SEC16B: variants seen among roughly 807,000 people sequenced by gnomAD.
The protein encoded by SEC16B is protein transport protein Sec16B.
In SEC16B, 115 loss-of-function variants were observed where a neutral mutation model predicts 141.8. That is an observed-to-expected ratio of 0.81 (90% CI 0.70 to 0.95). The LOEUF is 0.95. Ranked by LOEUF, SEC16B falls within the 40% of genes least tolerant of loss-of-function variation. The probability of loss-of-function intolerance (pLI) is 0.00; values close to 1 mark genes in which losing one functional copy is unlikely to be tolerated. For synonymous variants in SEC16B, 493 were observed against 492.5 expected, an observed-to-expected ratio of 1.00 and a Z score of -0.01; for missense variants, 1,291 against 1,312.3, an observed-to-expected ratio of 0.98 and a Z score of 0.25.
upstream of SEC16B, among the ~76,000 whole-genome samples, chr1:177,973,494 A>C (rs1215817811): frequency 6.6e-6 from 1 of 152,214 alleles, no homozygotes; most frequent in African/African-American, 2.4e-5. Context: ...ATTATTTTTA[A>C]TCAATAGTGT....
chr1:177,964,133 T>C lies in SEC16B; in HGVS notation c.642+38A>G, dbSNP rs373605942. On this transcript the variant is annotated intron_variant, in intron 5 of 25. Coordinates refer to ENST00000308284, the MANE Select transcript of SEC16B (RefSeq NM_033127.4). ...TGCTGACAGTGTCAGCTGCGACACA[T>C]GGCCACAGTCTCCAGCCCCCACGTC... The C allele has an allele frequency of 9.5e-6, 14 of 1,467,744 alleles. 1 individual carries two copies. In the South Asian group the frequency reaches 1.3e-4, roughly 14 times the overall value. The allele number at this position is 1,467,744 out of a possible 1,614,324, so 90.9% of individuals were successfully genotyped here. A position where few individuals can be genotyped will look rare whatever the true frequency, so the allele number is the denominator to read the frequency against.
intron 5 of SEC16B, among the ~76,000 whole-genome samples, chr1:177,963,463 C>T (rs1279469312): frequency 6.6e-6 from 1 of 151,974 alleles, no homozygotes; most frequent in East Asian, 1.9e-4. Context: ...ATTAGCTGGG[C>T]ATGGTGGCAG....
At chr1:177,933,796 CT>C (rs1464471206) in intron 20 of SEC16B, among the ~76,000 whole-genome samples, 160 bp from the exon 21 acceptor site, 2 of 152,156 alleles carry the variant, frequency 1.3e-5, no homozygotes, top group Admixed American at 6.5e-5. Flanking sequence ...TGAAAAATGA[CT>C]CACTGAAGGT....
intron 20 of SEC16B, among the ~76,000 whole-genome samples, chr1:177,934,222 TAC>T (rs895539082): frequency 1.3e-5 from 2 of 152,304 alleles, no homozygotes; most frequent in African/African-American, 4.8e-5. Flanking sequence ...GCAGTAAGTA[TAC>T]ACACAGTGTC....
chr1:177,944,251 A>G (rs571169541), intron 15 of SEC16B, among the ~76,000 whole-genome samples: 2 of 152,134 alleles, frequency 1.3e-5, no homozygotes, highest in African/African-American at 4.8e-5. Context: ...CTGTCTGGAG[A>G]GATGGGGAGA....
At chr1:177,981,495 G>T (rs1267010616) in intron 1 of SEC16B, among the ~76,000 whole-genome samples, 2 of 152,172 alleles carry the variant, frequency 1.3e-5, no homozygotes, top group Non-Finnish European at 2.9e-5. Context: ...GCAGCCATCT[G>T]TCCACCATTT....
Position 177,949,426 on chromosome 1 carries a change from ACAC to A in SEC16B, c.1546-1487_1546-1485del, listed in dbSNP as rs1557977674. 1.9e-3 allele frequency among the ~76,000 whole-genome samples: 289 copies of A among 150,948 alleles called. 3 individuals are homozygous for A. Among genetic ancestry groups the A allele is most frequent in the Middle Eastern group, 0.01 (3 of 294 alleles). On this transcript the variant is annotated intron_variant, in intron 12 of 25. Coordinates refer to ENST00000308284, the MANE Select transcript of SEC16B (RefSeq NM_033127.4). ...CACACACACACACACACACACACAC[ACAC>A]AAAGAAAAACTTAGAGGTCATTATT... is the stretch of plus-strand genomic sequence containing the variant.
At position 177,961,679 on chromosome 1, in the gene SEC16B, G is replaced by A. The variant is rs1653072374; in HGVS notation, c.698C>T (p.Ser233Phe). ...GTACTGACTGAGCTCATAGCTGCTG[G>A]AGCTGAGACCAGACTCACGCTGCTG... Reference protein sequence around the residue: ...LLQQRESGLSSSSYELSQYIR... With the variant: ...LLQQRESGLSFSSYELSQYIR... The change falls in exon 6 of 26, where the codon TCC becomes TTC. Residue 233 changes from serine to phenylalanine, a missense_variant. Ser to Phe is a radical substitution (Grantham distance 155). Coordinates refer to ENST00000308284, the MANE Select transcript of SEC16B (RefSeq NM_033127.4). The A allele has an allele frequency of 6.2e-7, 1 of 1,613,976 alleles. No individual in the cohort carries two copies. Among genetic ancestry groups the A allele is most frequent in the Non-Finnish European group, 8.5e-7 (1 of 1,179,888 alleles).
At chr1:177,964,911 C>T in intron 4 of SEC16B, 136 bp downstream of exon 4, 1 of 1,047,570 alleles carries the variant, frequency 9.5e-7, no homozygotes, top group Non-Finnish European at 1.4e-6. Context: ...CTGGGATATT[C>T]CCATATCCCT....
chr1:177,959,237 A>G (rs1652879461), intron 8 of SEC16B: 1 of 447,868 alleles, frequency 2.2e-6, no homozygotes, highest in Middle Eastern at 6.5e-4. Flanking sequence ...ACTGCACAGG[A>G]AAGCAAGTAA....
chr1:177,977,255 C>G (rs1654203937), intron 1 of SEC16B, among the ~76,000 whole-genome samples: 1 of 152,146 alleles, frequency 6.6e-6, no homozygotes, highest in Admixed American at 6.6e-5. Context: ...GCACTCTAAA[C>G]AGAAGCAGAC....
chr1:177,938,942 G>A (rs562448814), intron 18 of SEC16B, among the ~76,000 whole-genome samples: 39 of 152,326 alleles, frequency 2.6e-4, no homozygotes, highest in African/African-American at 8.9e-4. Flanking sequence ...TGGCCAACCC[G>A]CCTGCTCCAC....
At chr1:177,935,334 G>C (rs75129846) in intron 20 of SEC16B, among the ~76,000 whole-genome samples, 8 of 152,082 alleles carry the variant, frequency 5.3e-5, no homozygotes, top group Non-Finnish European at 1.2e-4. Flanking sequence ...TCAAATAAAT[G>C]AATGAATAGC....
intron 6 of SEC16B, 84 bp downstream of exon 6, chr1:177,961,506 C>T: frequency 6.9e-6 from 10 of 1,446,022 alleles, no homozygotes; most frequent in Non-Finnish European, 9.4e-6. Context: ...AATGATCCAT[C>T]GTAAGGCTGA....
chr1:177,936,240 G>A (rs929403122), intron 20 of SEC16B, 58 bp downstream of exon 20: 131 of 1,437,952 alleles, frequency 9.1e-5, no homozygotes, highest in Non-Finnish European at 1.3e-4. Context: ...CAAGGCAACT[G>A]GTAAAAACCA....
At position 177,941,955 on chromosome 1, in the gene SEC16B, G is replaced by C. The variant is rs776148327; in HGVS notation, c.1967C>G (p.Ala656Gly). The C allele has an allele frequency of 3.7e-6, 6 of 1,614,072 alleles. No homozygotes were observed. In the Admixed American group the frequency reaches 6.7e-5, roughly 18 times the overall value. The change falls in exon 16 of 26, where the codon GCT becomes GGT. Residue 656 changes from alanine to glycine, a missense_variant. Transcript: ENST00000308284. ...ALHYCEAIGA[A>G]VLSQGESSHP... is the part of the protein sequence containing the mutation. ...ACTGCTCTCTCCCTGGCTCAAGACA[G>C]CTGCACCAATGGCTTCGCAGTAATG... is the stretch of plus-strand genomic sequence containing the variant.
chr1:177,949,767 G>A (rs890192538), intron 12 of SEC16B, among the ~76,000 whole-genome samples: 1 of 152,156 alleles, frequency 6.6e-6, no homozygotes, highest in Admixed American at 6.5e-5. Context: ...CCACGTCTGT[G>A]TTGTCCTGTT....
chr1:177,955,517 T>C (rs1163158381), intron 10 of SEC16B, among the ~76,000 whole-genome samples: 1 of 152,098 alleles, frequency 6.6e-6, no homozygotes, highest in African/African-American at 2.4e-5. Context: ...TGGCTAATTT[T>C]TGTATTTTTT....
At chr1:177,970,156 T>C (rs1462276744), upstream of SEC16B, 1 of 152,274 alleles carries the variant, frequency 6.6e-6, no homozygotes. Context: ...GCGCTTCTGT[T>C]TGCCTGAGCA....
Sources: gnomAD v4.1 joint callset for allele counts (sites outside exome capture counted in the v4.1 genomes callset) on GRCh38, gnomAD v4.1.1 for gene constraint, MANE v1.5 for transcripts, NCBI Gene and HGNC (gene_info 2026-07-23, HGNC 2026-07-21) for gene names.